SYT16: variants seen among roughly 807,000 people sequenced by gnomAD.
SYT16 encodes synaptotagmin-16.
In SYT16, 42 loss-of-function variants were observed where a neutral mutation model predicts 61.4. The observed-to-expected ratio is 0.68, with a 90% confidence interval of 0.53 to 0.89. SYT16 has a LOEUF of 0.89. Ranked by LOEUF, SYT16 falls within the 40% of genes least tolerant of loss-of-function variation. SYT16 has a pLI of 0.00. For missense variants in SYT16, 804 were observed against 807.3 expected (o/e 1.00, Z 0.05); for synonymous variants, 314 against 302.3 (o/e 1.04, Z -0.40).
chr14:62,038,806 C>G (rs891974540), intron 3 of SYT16, among the ~76,000 whole-genome samples: 3 of 152,172 alleles, frequency 2.0e-5, no homozygotes, highest in African/African-American at 7.2e-5. Flanking sequence ...GTAACTTCAT[C>G]TGTTGAATAA....
chr14:61,957,859 G>A (rs1267849631), intron 1 of SYT16, among the ~76,000 whole-genome samples: 1 of 151,832 alleles, frequency 6.6e-6, no homozygotes, highest in Admixed American at 6.6e-5. Context: ...CTCTTTTTAA[G>A]AGTTTTAGGA....
At chr14:62,058,725 C>T (rs1490338748) in intron 3 of SYT16, among the ~76,000 whole-genome samples, 1 of 152,072 alleles carries the variant, frequency 6.6e-6, no homozygotes, top group Non-Finnish European at 1.5e-5. Flanking sequence ...ACATTTTCAC[C>T]AGGAGTGTAT....
At chr14:61,884,800 G>A (rs2047836414) in intron 1 of SYT16, among the ~76,000 whole-genome samples, 1 of 152,144 alleles carries the variant, frequency 6.6e-6, no homozygotes, top group South Asian at 2.1e-4. Flanking sequence ...GATCTGTTAT[G>A]TTGATTGGGG....
Position 61,893,393 on chromosome 14 carries a change from C to CAGA in SYT16, c.-324-76739_-324-76738insAGA, listed in dbSNP as rs2048209725. 2.6e-5 allele frequency among the ~76,000 whole-genome samples: 4 copies of CAGA among 152,276 alleles called. No individual in the cohort carries two copies. The East Asian group carries it at 5.8e-4, about 22-fold the overall frequency. On this transcript the variant is annotated intron_variant, in intron 1 of 7. Transcript: ENST00000683842. ...CCTGAAATTCTGCTTTTATGTGAAGCCTTCCAATATGGCACTGTATAAGAG... is the reference window on the plus strand; with the variant it reads ...CCTGAAATTCTGCTTTTATGTGAAGCAGACTTCCAATATGGCACTGTATAAGAG...
intron 1 of SYT16, among the ~76,000 whole-genome samples, chr14:61,882,010 G>A (rs1594819687): frequency 6.6e-6 from 1 of 151,860 alleles, no homozygotes; most frequent in Non-Finnish European, 1.5e-5. Flanking sequence ...CATTCTTCTG[G>A]CATGCCATTA....
intron 1 of SYT16, among the ~76,000 whole-genome samples, chr14:61,858,966 T>G (rs1302793806): frequency 2.0e-5 from 3 of 151,674 alleles, no homozygotes; most frequent in Non-Finnish European, 4.4e-5. Context: ...GCCATTCTCC[T>G]GCCTCAGCCT....
intron 3 of SYT16, among the ~76,000 whole-genome samples, chr14:62,035,310 ATTCT>A (rs1375875642): frequency 6.6e-6 from 1 of 152,124 alleles, no homozygotes; most frequent in Non-Finnish European, 1.5e-5. Context: ...GAAAGTATGA[ATTCT>A]TTCTATTTGT....
At chr14:62,049,947 G>A (rs2055192139) in intron 3 of SYT16, among the ~76,000 whole-genome samples, 1 of 152,070 alleles carries the variant, frequency 6.6e-6, no homozygotes, top group Admixed American at 6.5e-5. Context: ...ACAATTATGT[G>A]TCTTGGAGTT....
intron 1 of SYT16, among the ~76,000 whole-genome samples, chr14:61,923,804 T>C (rs2049431331): frequency 2.0e-5 from 3 of 152,198 alleles, no homozygotes; most frequent in African/African-American, 2.4e-5. Context: ...CATGCTGTCA[T>C]GTCTTTATAA....
At chr14:61,955,099 A>G (rs2050821206) in intron 1 of SYT16, among the ~76,000 whole-genome samples, 1 of 152,102 alleles carries the variant, frequency 6.6e-6, no homozygotes, top group Non-Finnish European at 1.5e-5. Context: ...GATGGTATAT[A>G]GTACCTAACT....
In SYT16 at chr14:62,075,178, C is replaced by T. The variant is rs1595355514; in HGVS notation, c.780C>T (p.Ser260=). 6.2e-7 allele frequency: 1 copy of T among 1,612,746 alleles called. No homozygotes were observed. Among genetic ancestry groups the T allele is most frequent in the Non-Finnish European group, 8.5e-7 (1 of 1,179,314 alleles). The change falls in exon 5 of 8, where the codon TCC becomes TCT. Residue 260 remains serine, a synonymous_variant. Coordinates refer to ENST00000683842, the MANE Select transcript of SYT16 (RefSeq NM_001367656.1). ...AACGGCGTTATTCTGAGAATCTCTC[C>T]TACGGTGAAGATGACCACATCCCTG... ...ASQRRYSENL[S]YGEDDHIPAH...
chr14:61,834,428 C>CTTTTTTTTTTTTTTTTTTTT (rs35260303), intron 1 of SYT16, among the ~76,000 whole-genome samples: 1 of 76,852 alleles, frequency 1.3e-5, no homozygotes, highest in African/African-American at 6.5e-5. Context: ...CCGTGCCTGG[C>CTTTTTTTTTTTTTTTTTTTT]TTTTTTTTTT....
intron 1 of SYT16, among the ~76,000 whole-genome samples, chr14:61,835,867 A>G (rs1285732367): frequency 1.3e-5 from 2 of 152,198 alleles, no homozygotes; most frequent in African/African-American, 2.4e-5. Context: ...AAATTTTCCT[A>G]CCTGGCTCAC....
intron 1 of SYT16, among the ~76,000 whole-genome samples, chr14:61,839,730 A>AT (rs1566619815): frequency 6.6e-6 from 1 of 152,174 alleles, no homozygotes. Flanking sequence ...CAAAATCGTA[A>AT]TTTATTTTTT....
chr14:61,937,619 C>G (rs566675425), intron 1 of SYT16, among the ~76,000 whole-genome samples: 3 of 152,314 alleles, frequency 2.0e-5, no homozygotes, highest in Admixed American at 2.0e-4. Context: ...GGAAGCCCCA[C>G]TTGCCTTTCC....
chr14:61,874,454 C>G (rs1299229062), intron 1 of SYT16, among the ~76,000 whole-genome samples: 1 of 152,078 alleles, frequency 6.6e-6, no homozygotes, highest in Non-Finnish European at 1.5e-5. Flanking sequence ...GTGATGGTTC[C>G]TAGAACAAAT....
intron 1 of SYT16, among the ~76,000 whole-genome samples, chr14:61,858,042 C>T (rs1036632125): frequency 5.7e-5 from 8 of 139,290 alleles, no homozygotes; most frequent in Non-Finnish European, 1.0e-4. Flanking sequence ...TTGTGTTCTC[C>T]GTAACAGTAT....
At chr14:61,951,908 G>T (rs2050687738) in intron 1 of SYT16, among the ~76,000 whole-genome samples, 1 of 152,186 alleles carries the variant, frequency 6.6e-6, no homozygotes, top group Non-Finnish European at 1.5e-5. Context: ...TCCCACCTCT[G>T]CCTCCCGAAT....
intron 3 of SYT16, among the ~76,000 whole-genome samples, chr14:62,067,944 G>A (rs2140936835): frequency 6.6e-6 from 1 of 152,176 alleles, no homozygotes; most frequent in South Asian, 2.1e-4. Flanking sequence ...TGAGATTGTG[G>A]CACTGCACTC....
Sources: gnomAD v4.1 joint callset for allele counts (sites outside exome capture counted in the v4.1 genomes callset) on GRCh38, gnomAD v4.1.1 for gene constraint, MANE v1.5 for transcripts, NCBI Gene and HGNC (gene_info 2026-07-23, HGNC 2026-07-21) for gene names.